AK6: variants seen among roughly 807,000 people sequenced by gnomAD.
AK6 encodes adenylate kinase 6.
AK6 carries 24 observed loss-of-function variants against 23.7 expected under a neutral mutation model. The observed-to-expected ratio is 1.01, with a 90% CI of 0.73 to 1.43. The LOEUF (loss-of-function observed/expected upper bound fraction) is 1.43. Among genes scored for constraint, AK6 ranks in the 40% most tolerant of loss-of-function variants. AK6 has a pLI of 0.00. For synonymous variants in AK6, 73 were observed against 69.8 expected, an observed-to-expected ratio of 1.05 and a Z score of -0.23; for missense variants, 191 against 199.1, an observed-to-expected ratio of 0.96 and a Z score of 0.24.
intron 1 of AK6, chr5:69,366,832 C>G (rs1330428419): frequency 2.1e-6 from 1 of 474,952 alleles, no homozygotes; most frequent in Non-Finnish European, 3.8e-6. Flanking sequence ...AATCTTGGCT[C>G]ACTGCAACCT....
intron 1 of AK6, 67 bp downstream of exon 1, chr5:69,369,391 GCGCCC>G: frequency 6.4e-7 from 1 of 1,554,140 alleles, no homozygotes; most frequent in East Asian, 2.4e-5. Flanking sequence ...CCCCACCTGG[GCGCCC>G]GATGCCCAGA....
chr5:69,366,466 A>C (rs913605066), intron 2 of AK6, 37 bp downstream of exon 2: 24 of 1,575,650 alleles, frequency 1.5e-5, no homozygotes, highest in African/African-American at 4.1e-5. Context: ...ACCTTAAAAA[A>C]AAAACAAAAC....
chr5:69,368,249 C>T (rs1762591131), intron 1 of AK6, among the ~76,000 whole-genome samples: 1 of 152,072 alleles, frequency 6.6e-6, no homozygotes, highest in Non-Finnish European at 1.5e-5. Context: ...CTTTACCTTC[C>T]CCTTCTGATA....
chr5:69,361,825 T>G (rs1762245870), intron 2 of AK6, among the ~76,000 whole-genome samples: 1 of 151,916 alleles, frequency 6.6e-6, no homozygotes, highest in African/African-American at 2.4e-5. Flanking sequence ...AGGCTGGTCT[T>G]GAACTCCTGA....
At chr5:69,364,668 T>C in intron 2 of AK6, 3 of 534,064 alleles carry the variant, frequency 5.6e-6, no homozygotes, top group Non-Finnish European at 1.0e-5. Flanking sequence ...TTGCTGCAAC[T>C]GCCAACTGTT....
chr5:69,362,025 A>C (rs1263283908), intron 2 of AK6, among the ~76,000 whole-genome samples: 2 of 147,508 alleles, frequency 1.4e-5, no homozygotes, highest in Admixed American at 6.9e-5. Flanking sequence ...ACCTCTCTCA[A>C]CTACTACTGC....
upstream of AK6, chr5:69,369,702 A>G (rs765805325): frequency 8.3e-5 from 129 of 1,552,296 alleles, no homozygotes; most frequent in Admixed American, 6.1e-4. Flanking sequence ...GAGGGTGGGC[A>G]TAACTCGGGT....
chr5:69,365,591 T>C (rs1433799912), intron 2 of AK6: 1 of 1,614,048 alleles, frequency 6.2e-7, no homozygotes, highest in African/African-American at 1.3e-5. Flanking sequence ...CATCTAGAAT[T>C]GTGGTCACAT....
intron 2 of AK6, among the ~76,000 whole-genome samples, chr5:69,357,270 G>A (rs1307821008): frequency 1.3e-5 from 2 of 152,200 alleles, no homozygotes; most frequent in Admixed American, 6.5e-5. Flanking sequence ...GCACTCTAGT[G>A]TGGCCTCTGC....
At chr5:69,361,971 T>C (rs1194507004) in intron 2 of AK6, among the ~76,000 whole-genome samples, 29 of 62,254 alleles carry the variant, frequency 4.7e-4, no homozygotes, top group Admixed American at 1.3e-3. Context: ...TTGATTCCCT[T>C]TTTTTTTTTT....
At chr5:69,365,059 T>C (rs770191890) in intron 2 of AK6, 4 of 1,614,194 alleles carry the variant, frequency 2.5e-6, no homozygotes. Flanking sequence ...ATATTAGTGG[T>C]AATAAGAATG....
chr5:69,369,780 C>T, upstream of AK6: 1 of 1,429,194 alleles, frequency 7.0e-7, no homozygotes, highest in Non-Finnish European at 9.6e-7. Flanking sequence ...CCCCGCCCTT[C>T]GCTTGCGCCG....
At chr5:69,367,441 TG>T (rs1762487478) in intron 1 of AK6, among the ~76,000 whole-genome samples, 1 of 147,404 alleles carries the variant, frequency 6.8e-6, no homozygotes, top group Non-Finnish European at 1.5e-5. Flanking sequence ...ACCAGGTAGT[TG>T]TAGGATGCAG....
intron 2 of AK6, among the ~76,000 whole-genome samples, chr5:69,360,490 T>C (rs1762201565): frequency 6.6e-6 from 1 of 152,220 alleles, no homozygotes. Context: ...CAGATGGTTG[T>C]CTAATAGGTG....
At chr5:69,365,396 C>G in intron 2 of AK6, 1 of 1,614,174 alleles carries the variant, frequency 6.2e-7, no homozygotes, top group Non-Finnish European at 8.5e-7. Flanking sequence ...CAGGTGGCAA[C>G]CTAGGACCTG....
intron 4 of AK6, among the ~76,000 whole-genome samples, chr5:69,353,675 T>C (rs1762010102): frequency 6.6e-6 from 1 of 152,206 alleles, no homozygotes. Context: ...AACTGATATA[T>C]ACACCTACTA....
intron 4 of AK6, among the ~76,000 whole-genome samples, chr5:69,353,404 T>C (rs1033094721): frequency 6.6e-6 from 1 of 151,782 alleles, no homozygotes; most frequent in African/African-American, 2.4e-5. Context: ...TTCAAGCAAT[T>C]CTCCTGCCTC....
chr5:69,357,942 T>C (rs527486385), intron 2 of AK6, among the ~76,000 whole-genome samples: 2 of 152,270 alleles, frequency 1.3e-5, no homozygotes, highest in South Asian at 2.1e-4. Context: ...ATAGTTAACA[T>C]AGTTTAAAAA....
At chr5:69,353,492 T>C (rs1201933552) in intron 4 of AK6, among the ~76,000 whole-genome samples, 1 of 151,836 alleles carries the variant, frequency 6.6e-6, no homozygotes, top group African/African-American at 2.4e-5. Flanking sequence ...GAGACGGGGT[T>C]TCACCATGTT....
Sources: gnomAD v4.1 joint callset for allele counts (sites outside exome capture counted in the v4.1 genomes callset) on GRCh38, gnomAD v4.1.1 for gene constraint, MANE v1.5 for transcripts, NCBI Gene and HGNC (gene_info 2026-07-23, HGNC 2026-07-21) for gene names.